The following ASIP variants were observed in gnomAD, a reference collection of about 807,000 sequenced individuals.
ASIP encodes the protein agouti signaling protein.
In ASIP, 11 loss-of-function variants were observed where a neutral mutation model predicts 10.3. The observed-to-expected ratio is 1.07, with a 90% CI of 0.68 to 1.78. ASIP has a LOEUF of 1.78. Among genes scored for constraint, ASIP ranks in the 40% most tolerant of loss-of-function variants. The pLI is 0.00. For synonymous variants in ASIP, 70 were observed against 70.8 expected, an observed-to-expected ratio of 0.99 and a Z score of 0.06; for missense variants, 180 against 169.2, an observed-to-expected ratio of 1.06 and a Z score of -0.35.
At chr20:34,250,674 G>A (rs2035459813) in intron 1 of ASIP, among the ~76,000 whole-genome samples, 2 of 152,164 alleles carry the variant, frequency 1.3e-5, no homozygotes, top group Non-Finnish European at 1.5e-5. Context: ...GTGCATGCCT[G>A]TAATCCCAGC....
At chr20:34,225,870 G>A (rs184658036) in intron 1 of ASIP, among the ~76,000 whole-genome samples, 49 of 151,578 alleles carry the variant, frequency 3.2e-4, no homozygotes, top group Admixed American at 5.2e-4. Flanking sequence ...AAATACTTAT[G>A]TAATAACTAG....
At chr20:34,220,558 G>A (rs1337844833) in intron 1 of ASIP, among the ~76,000 whole-genome samples, 1 of 151,286 alleles carries the variant, frequency 6.6e-6, no homozygotes, top group Non-Finnish European at 1.5e-5. Flanking sequence ...TCATGCCACT[G>A]CACTCCAGCC....
chr20:34,255,725 A>T (rs2035555939), intron 1 of ASIP, among the ~76,000 whole-genome samples: 1 of 152,232 alleles, frequency 6.6e-6, no homozygotes. Context: ...ACCAGAAGAC[A>T]AGAGTGTGAG....
Position 34,269,323 on chromosome 20 carries a change from A to C in ASIP, c.*156A>C. 1.1e-6 allele frequency: 1 copy of C among 949,198 alleles called. No individual in the cohort carries two copies. The highest frequency in any genetic ancestry group is 1.5e-6 in the Non-Finnish European group (1 of 671,372). 58.8% of individuals were successfully genotyped at this position (949,198 alleles called of 1,614,324 possible). ...GAGACCTGGCTTGGGCTAAAATCGA[A>C]ATACAATATATATAGGCTGCTCGAA... On this transcript the variant is annotated 3_prime_UTR_variant, in exon 4 of 4. Transcript: ENST00000374954.
chr20:34,214,300 A>G, intron 1 of ASIP: 1 of 1,369,860 alleles, frequency 7.3e-7, no homozygotes, highest in South Asian at 1.2e-5. Context: ...ATTAGTACAC[A>G]TGGAACGTGC....
intron 1 of ASIP, among the ~76,000 whole-genome samples, chr20:34,207,329 G>C (rs1211773443): frequency 6.6e-6 from 1 of 152,156 alleles, no homozygotes; most frequent in African/African-American, 2.4e-5. Context: ...TCATATGCCT[G>C]TTGGCCCTTT....
Position 34,260,494 on chromosome 20 carries a change from C to T in ASIP, c.120C>T (p.Ser40=). The T allele has an allele frequency of 6.2e-7, 1 of 1,614,018 alleles. No homozygotes were observed. The highest frequency in any genetic ancestry group is 1.1e-5 in the South Asian group (1 of 91,050). Residue 40 remains serine, a synonymous_variant, in exon 2 of 4, where the codon TCC becomes TCT. Transcript: ENST00000374954. The part of the protein sequence containing the change: ...LRDDRSLRSN[S]SVNLLDVPSV... ...ATGACAGGAGCCTGAGAAGCAACTC[C>T]TCTGTGAACCTACTGGATGTCCCTT...
At chr20:34,222,401 A>G (rs1345099782) in intron 1 of ASIP, among the ~76,000 whole-genome samples, 1 of 152,204 alleles carries the variant, frequency 6.6e-6, no homozygotes, top group African/African-American at 2.4e-5. Context: ...CTTCTTTTGA[A>G]TAACCAGTAA....
intron 1 of ASIP, among the ~76,000 whole-genome samples, chr20:34,250,851 T>C (rs2035463050): frequency 6.6e-6 from 1 of 152,086 alleles, no homozygotes; most frequent in Non-Finnish European, 1.5e-5. Flanking sequence ...GAACAAGGCC[T>C]TATCCCTGAA....
At chr20:34,251,296 A>C (rs1010994926) in intron 1 of ASIP, among the ~76,000 whole-genome samples, 4 of 150,886 alleles carry the variant, frequency 2.7e-5, no homozygotes, top group African/African-American at 7.3e-5. Flanking sequence ...TTTGAGACAG[A>C]GTCTCGCTCC....
At chr20:34,232,986 T>C (rs1210445822) in intron 1 of ASIP, among the ~76,000 whole-genome samples, 1 of 152,154 alleles carries the variant, frequency 6.6e-6, no homozygotes, top group Non-Finnish European at 1.5e-5. Flanking sequence ...GAGTTTAACG[T>C]GTTCTCCCTC....
chr20:34,221,276 G>A (rs1192450491), intron 1 of ASIP, among the ~76,000 whole-genome samples: 1 of 152,038 alleles, frequency 6.6e-6, no homozygotes, highest in African/African-American at 2.4e-5. Context: ...TACTGGGGAG[G>A]CTGAGGCAGG....
chr20:34,226,842 G>T (rs2078845112), intron 1 of ASIP, among the ~76,000 whole-genome samples: 1 of 151,946 alleles, frequency 6.6e-6, no homozygotes, highest in South Asian at 2.1e-4. Context: ...TCCCATCTTG[G>T]CCTCCCCAAA....
chr20:34,206,658 A>G (rs1331304935), intron 1 of ASIP, among the ~76,000 whole-genome samples: 1 of 152,166 alleles, frequency 6.6e-6, no homozygotes, highest in Admixed American at 6.5e-5. Context: ...GGCTCACTGC[A>G]ATCTCCGCCT....
intron 1 of ASIP, among the ~76,000 whole-genome samples, chr20:34,243,109 C>T (rs1434224163): frequency 2.0e-5 from 3 of 152,208 alleles, no homozygotes; most frequent in African/African-American, 7.2e-5. Context: ...TAGACTCTGA[C>T]CCCTGTTTCA....
At position 34,232,877 on chromosome 20, in the gene ASIP, T is replaced by C. The variant is rs141182816; in HGVS notation, c.-10-27488T>C. Among the ~76,000 whole-genome samples, 26 of 152,332 alleles carry C rather than the reference T, an allele frequency of 1.7e-4. No individual in the cohort carries two copies. The East Asian group carries it at 4.4e-3, about 26-fold the overall frequency. ...GATGAGATTGGCAGCCTGATGACAG[T>C]GTGCCTCAAACAAACCATGTAACTA... On this transcript the variant is annotated intron_variant, in intron 1 of 3. Transcript: ENST00000568305.
the ASIP span, among the ~76,000 whole-genome samples, chr20:34,188,737 A>G: frequency 6.6e-6 from 1 of 152,234 alleles, no homozygotes; most frequent in Admixed American, 6.5e-5. Context: ...TATTGAGTAA[A>G]TAATAATATA....
At chr20:34,226,778 G>T (rs1388323285) in intron 1 of ASIP, among the ~76,000 whole-genome samples, 1 of 151,978 alleles carries the variant, frequency 6.6e-6, no homozygotes, top group Admixed American at 6.6e-5. Context: ...TTATAGAGAT[G>T]GGGTCTTGCT....
intron 1 of ASIP, among the ~76,000 whole-genome samples, chr20:34,258,701 T>TATATATATATATATATACACACATACA (rs2035625109): frequency 1.3e-5 from 1 of 74,270 alleles, no homozygotes; most frequent in Non-Finnish European, 2.5e-5. Context: ...ACATACTATA[T>TATATATATATATATATACACACATACA]ATATATATTA....
Sources: gnomAD v4.1 joint callset for allele counts (sites outside exome capture counted in the v4.1 genomes callset) on GRCh38, gnomAD v4.1.1 for gene constraint, MANE v1.5 for transcripts, NCBI Gene and HGNC (gene_info 2026-07-23, HGNC 2026-07-21) for gene names.